EYS: variants seen among roughly 807,000 people sequenced by gnomAD.
EYS encodes the protein protein eyes shut homolog.
In EYS, 250 loss-of-function variants were observed where a neutral mutation model predicts 282.1. The ratio of observed to expected loss-of-function variants is 0.89; its 90% CI spans 0.80 to 0.98. EYS has a LOEUF of 0.98. Ranked by LOEUF, EYS falls within the 50% of genes least tolerant of loss-of-function variation. The pLI is 0.00. For missense variants in EYS, 4,016 were observed against 3,709.0 expected, an observed-to-expected ratio of 1.08 and a Z score of -2.15; for synonymous variants, 1,355 against 1,282.9, an observed-to-expected ratio of 1.06 and a Z score of -1.20.
In EYS at chr6:64,108,986, A is replaced by G. The variant is rs114480123; in HGVS notation, c.6425-26984T>C. Reference sequence around the variant, plus strand: ...CCTGGAAAGGTCAAGTAACATGCTCAGGAACAAGTAAAGGTCACGTAACAC... The same window carrying G: ...CCTGGAAAGGTCAAGTAACATGCTCGGGAACAAGTAAAGGTCACGTAACAC... On this transcript the variant is annotated intron_variant, in intron 31 of 42. Coordinates refer to ENST00000503581, the MANE Select transcript of EYS (RefSeq NM_001142800.2). 2.4e-3 allele frequency among the ~76,000 whole-genome samples: 362 copies of G among 152,256 alleles called. 1 individual carries two copies. Among genetic ancestry groups the G allele is most frequent in the African/African-American group, 8.3e-3 (343 of 41,572 alleles).
At chr6:65,451,281 C>T (rs1448160790) in intron 5 of EYS, among the ~76,000 whole-genome samples, 1 of 151,936 alleles carries the variant, frequency 6.6e-6, no homozygotes, top group Non-Finnish European at 1.5e-5. Flanking sequence ...ACTAATAGCA[C>T]ATTTGGGGAT....
intron 11 of EYS, among the ~76,000 whole-genome samples, chr6:65,322,464 T>C: frequency 6.6e-6 from 1 of 152,126 alleles, no homozygotes. Flanking sequence ...GGGCTGGTTA[T>C]GCAGCAGGAA....
At chr6:64,856,157 A>T (rs1242351141) in intron 19 of EYS, among the ~76,000 whole-genome samples, 2 of 152,084 alleles carry the variant, frequency 1.3e-5, no homozygotes, top group African/African-American at 4.8e-5. Flanking sequence ...GTATGGTAAA[A>T]TTATGTAGAG....
intron 13 of EYS, among the ~76,000 whole-genome samples, chr6:65,006,884 C>G (rs916847712): frequency 6.6e-6 from 1 of 152,214 alleles, no homozygotes; most frequent in African/African-American, 2.4e-5. Context: ...AAAAGACTAT[C>G]TCAATCCAGA....
chr6:64,463,146 T>C (rs1775809628), intron 26 of EYS, among the ~76,000 whole-genome samples: 1 of 151,726 alleles, frequency 6.6e-6, no homozygotes, highest in Non-Finnish European at 1.5e-5. Context: ...AGAGATGGGG[T>C]TTCACCGTGT....
chr6:64,963,496 C>T (rs1471439547), intron 14 of EYS, among the ~76,000 whole-genome samples: 1 of 152,090 alleles, frequency 6.6e-6, no homozygotes, highest in Admixed American at 6.5e-5. Flanking sequence ...TCAACAGTGA[C>T]CTACTGTGAA....
chr6:64,443,774 T>C (rs613307), intron 26 of EYS, among the ~76,000 whole-genome samples: 151,707 of 152,288 alleles, frequency 1, 75,566 homozygotes, highest in Middle Eastern at 1. Context: ...ACTTGCTCCT[T>C]GTCTTTGGCC....
intron 5 of EYS, among the ~76,000 whole-genome samples, chr6:65,415,358 T>C (rs992977319): frequency 3.3e-5 from 5 of 152,176 alleles, no homozygotes; most frequent in South Asian, 2.1e-4. Context: ...ATGATTCATA[T>C]GTAAATAAAA....
intron 5 of EYS, among the ~76,000 whole-genome samples, chr6:65,458,384 T>C (rs1764707614): frequency 6.6e-6 from 1 of 152,126 alleles, no homozygotes; most frequent in African/African-American, 2.4e-5. Context: ...GTAGTCTTAG[T>C]TCTCAATCCT....
At chr6:65,480,079 C>A (rs188760533) in intron 5 of EYS, among the ~76,000 whole-genome samples, 1 of 151,780 alleles carries the variant, frequency 6.6e-6, no homozygotes, top group Admixed American at 6.6e-5. Context: ...GCAGGAGAAT[C>A]GCTTGAACCC....
intron 36 of EYS, among the ~76,000 whole-genome samples, chr6:63,842,048 A>T (rs1476869989): frequency 1.3e-5 from 2 of 152,170 alleles, no homozygotes; most frequent in Non-Finnish European, 2.9e-5. Flanking sequence ...TGCTATTGTG[A>T]ATAGTGCTGA....
At chr6:64,265,938 T>C (rs1461349850) in intron 30 of EYS, among the ~76,000 whole-genome samples, 1 of 152,146 alleles carries the variant, frequency 6.6e-6, no homozygotes, top group Admixed American at 6.6e-5. Context: ...TATTCCGTGT[T>C]AGTTGTTTTA....
chr6:63,856,376 C>T (rs1047661955), intron 36 of EYS, among the ~76,000 whole-genome samples: 51 of 152,240 alleles, frequency 3.3e-4, no homozygotes, highest in African/African-American at 1.1e-3. Context: ...ATGCTTCTGT[C>T]GGAAGGGAGA....
At chr6:65,508,455 C>T (rs1471816110) in intron 2 of EYS, among the ~76,000 whole-genome samples, 11 of 151,876 alleles carry the variant, frequency 7.2e-5, no homozygotes, top group African/African-American at 2.2e-4. Flanking sequence ...GGGCAGATCA[C>T]GAGGTCAGGA....
intron 18 of EYS, among the ~76,000 whole-genome samples, chr6:64,892,989 C>G (rs1460942346): frequency 6.6e-6 from 1 of 151,978 alleles, no homozygotes; most frequent in Non-Finnish European, 1.5e-5. Flanking sequence ...ATCACATCAG[C>G]CAGGCACTTG....
At chr6:65,263,397 A>G (rs1040737906) in intron 12 of EYS, among the ~76,000 whole-genome samples, 2 of 152,098 alleles carry the variant, frequency 1.3e-5, no homozygotes, top group Admixed American at 6.6e-5. Flanking sequence ...TGTTGATCAT[A>G]TAAGTGTAAA....
At chr6:64,985,222 A>C (rs1770816006) in intron 14 of EYS, among the ~76,000 whole-genome samples, 2 of 151,550 alleles carry the variant, frequency 1.3e-5, no homozygotes, top group Admixed American at 6.6e-5. Flanking sequence ...AAAGGTCTTA[A>C]CCTATACAAA....
intron 41 of EYS, among the ~76,000 whole-genome samples, chr6:63,756,294 T>C (rs1327591569): frequency 6.6e-6 from 1 of 152,242 alleles, no homozygotes; most frequent in Non-Finnish European, 1.5e-5. Context: ...TATTTTGAGA[T>C]ATGTTCCATC....
chr6:64,935,743 C>T (rs531749550), intron 15 of EYS, among the ~76,000 whole-genome samples: 32 of 151,740 alleles, frequency 2.1e-4, no homozygotes, highest in African/African-American at 4.6e-4. Flanking sequence ...GGTAAAACCA[C>T]GGAAAGTAAC....
Sources: allele counts gnomAD v4.1 joint callset (sites outside exome capture counted in the v4.1 genomes callset), GRCh38; gene constraint gnomAD v4.1.1; transcripts MANE v1.5; gene names NCBI Gene and HGNC (gene_info 2026-07-23, HGNC 2026-07-21).